RNF17: variants seen among roughly 807,000 people sequenced by gnomAD.
RNF17 encodes the protein ring finger protein 17.
In RNF17, 31 loss-of-function variants were observed where a neutral mutation model predicts 200.5. That is an observed-to-expected ratio of 0.15 (90% CI 0.12 to 0.21). RNF17 has a LOEUF of 0.21. Among genes scored for constraint, RNF17 ranks in the 10% least tolerant of loss-of-function variants. RNF17 has a pLI of 1.00. For synonymous variants in RNF17, 606 were observed against 637.8 expected (o/e 0.95, Z 0.75); for missense variants, 1,628 against 1,905.1 (o/e 0.85, Z 2.71).
At chr13:24,770,444 GGAA>G (rs1842283955) in intron 2 of RNF17, among the ~76,000 whole-genome samples, 1 of 152,068 alleles carries the variant, frequency 6.6e-6, no homozygotes, top group Non-Finnish European at 1.5e-5. Context: ...TAAACTATCT[GGAA>G]GAAATGTCCT....
chr13:24,871,722 C>T (rs1295577210), intron 32 of RNF17, among the ~76,000 whole-genome samples: 2 of 148,634 alleles, frequency 1.3e-5, no homozygotes, highest in African/African-American at 5.0e-5. Context: ...AACCTCTGTC[C>T]CCTGGGTTCA....
At chr13:24,834,153 C>G (rs1476696692) in intron 18 of RNF17, among the ~76,000 whole-genome samples, 2 of 151,930 alleles carry the variant, frequency 1.3e-5, no homozygotes. Flanking sequence ...TGCCTGTAAT[C>G]CCAGTATTTT....
chr13:24,838,509 G>T lies in RNF17; in HGVS notation c.2483-3532G>T, dbSNP rs950064261. On this transcript the variant is annotated intron_variant, in intron 18 of 35. Transcript: ENST00000255324. ...ATCAAGTGAGTTTCATACCAGGGAT[G>T]CAGGGATGGATGTAATATATGCAAG... Among the ~76,000 whole-genome samples the T allele has an allele frequency of 1.3e-4, 20 of 152,196 alleles. 1 individual carries two copies. The highest frequency in any genetic ancestry group is 4.8e-4 in the African/African-American group (20 of 41,450).
chr13:24,812,801 C>G (rs1593318012), intron 15 of RNF17, among the ~76,000 whole-genome samples: 1 of 151,942 alleles, frequency 6.6e-6, no homozygotes, highest in East Asian at 2.0e-4. Context: ...CATGCCTCAG[C>G]CTCCCAAGTA....
upstream of RNF17, chr13:24,764,149 C>T (rs1052595443): frequency 2.5e-5 from 38 of 1,515,038 alleles, no homozygotes; most frequent in Non-Finnish European, 3.1e-5. Context: ...TGGTCGCTGC[C>T]GCGAGGGCCG....
At chr13:24,820,096 C>A (rs1427427615) in intron 15 of RNF17, among the ~76,000 whole-genome samples, 1 of 148,232 alleles carries the variant, frequency 6.7e-6, no homozygotes, top group Non-Finnish European at 1.5e-5. Flanking sequence ...TCCAAAATTT[C>A]TTTCTTGTCT....
At chr13:24,841,397 G>C (rs1890627511) in intron 18 of RNF17, among the ~76,000 whole-genome samples, 1 of 152,238 alleles carries the variant, frequency 6.6e-6, no homozygotes, top group South Asian at 2.1e-4. Context: ...CTGGAACTTG[G>C]TTGAGTTCCA....
upstream of RNF17, among the ~76,000 whole-genome samples, chr13:24,762,455 TACTC>T (rs1395713467): frequency 6.7e-6 from 1 of 148,346 alleles, no homozygotes; most frequent in Non-Finnish European, 1.5e-5. Flanking sequence ...TAGGGAATAA[TACTC>T]ACAAAACTGT....
intron 15 of RNF17, among the ~76,000 whole-genome samples, chr13:24,821,684 C>G (rs1468580119): frequency 1.3e-5 from 2 of 152,030 alleles, no homozygotes; most frequent in Non-Finnish European, 2.9e-5. Context: ...CCAGAATTTC[C>G]TTTTTATAAT....
intron 25 of RNF17, among the ~76,000 whole-genome samples, chr13:24,856,351 C>T (rs1425896077): frequency 6.9e-6 from 1 of 144,198 alleles, no homozygotes; most frequent in Non-Finnish European, 1.5e-5. Context: ...ACCTGGGAGG[C>T]AGAGGTTGCC....
chr13:24,850,465 G>A, intron 23 of RNF17, 22 bp downstream of exon 23: 1 of 1,387,900 alleles, frequency 7.2e-7, no homozygotes, highest in Non-Finnish European at 1.0e-6. Flanking sequence ...CAAGAGATAT[G>A]TGCTGATGAT....
the RNF17 span, among the ~76,000 whole-genome samples, chr13:24,888,266 AAC>A: frequency 2.6e-5 from 4 of 152,182 alleles, no homozygotes; most frequent in African/African-American, 9.7e-5. Flanking sequence ...CATTAAAAAA[AAC>A]ACAAACTGAA....
Position 24,853,982 on chromosome 13 carries a change from A to G in RNF17, c.3448A>G (p.Ile1150Val), listed in dbSNP as rs1013687498. The part of the protein sequence containing the change: ...NFDPDKKTAD[I>V]ISEQKVSEFQ... ...TGACCCTGACAAGAAAACTGCTGAC[A>G]TAATCAGTGAACAGAAAGTGTCTGA... Residue 1150 changes from isoleucine (I) to valine (V), a missense_variant, in exon 25 of 36, where the codon ATA (isoleucine) becomes GTA (valine). By Grantham distance (29) the Ile-to-Val change is conservative. Coordinates refer to ENST00000255324, the MANE Select transcript of RNF17 (RefSeq NM_031277.3). The G allele has an allele frequency of 8.7e-6, 14 of 1,614,206 alleles. No individual in the cohort carries two copies. Among genetic ancestry groups the G allele is most frequent in the Non-Finnish European group, 1.2e-5 (14 of 1,180,020 alleles).
chr13:24,798,569 T>TA (rs1884877474), intron 11 of RNF17, among the ~76,000 whole-genome samples: 1 of 152,228 alleles, frequency 6.6e-6, no homozygotes, highest in South Asian at 2.1e-4. Context: ...AAATGGGCTC[T>TA]AAGACTACCT....
In RNF17 at chr13:24,864,937, C is replaced by T. The variant is rs1893464866; in HGVS notation, c.4040C>T (p.Ser1347Phe). 1 of 1,570,174 alleles carries T rather than the reference C, an allele frequency of 6.4e-7. No individual in the cohort carries two copies. ...CTCTATTTTGATGGAATGTCACTTT[C>T]TTATTTTATGGCATACTATAAATAC... is the stretch of plus-strand genomic sequence containing the variant. ...IHLYFDGMSL[S>F]YFMAYYKYCT... Residue 1347 changes from serine to phenylalanine, a missense_variant, in exon 29 of 36, where the codon TCT becomes TTT. Ser to Phe is a radical substitution (Grantham distance 155). This residue lies in a region of RNF17 where 609 missense variants were observed against 681.9 expected (regional missense o/e 0.89). Coordinates refer to ENST00000255324, the MANE Select transcript of RNF17 (RefSeq NM_031277.3).
chr13:24,820,252 G>T (rs892583283), intron 15 of RNF17, among the ~76,000 whole-genome samples: 68 of 151,410 alleles, frequency 4.5e-4, no homozygotes, highest in African/African-American at 1.6e-3. Context: ...CTCCCTAGTA[G>T]CTGGGATTTC....
At chr13:24,843,712 A>G (rs765463512) in intron 19 of RNF17, 32 bp from the exon 20 acceptor site, 4 of 1,279,126 alleles carry the variant, frequency 3.1e-6, no homozygotes, top group Non-Finnish European at 4.5e-6. Context: ...TTTTGCATAC[A>G]GTTCTTTTCA....
At chr13:24,771,160 C>A (rs1050234184) in intron 2 of RNF17, among the ~76,000 whole-genome samples, 3 of 151,648 alleles carry the variant, frequency 2.0e-5, no homozygotes, top group African/African-American at 7.3e-5. Flanking sequence ...TTGTTGTTTG[C>A]TTTTTCTGGA....
chr13:24,786,591 G>T (rs1312142167), intron 6 of RNF17, among the ~76,000 whole-genome samples: 1 of 152,100 alleles, frequency 6.6e-6, no homozygotes, highest in Admixed American at 6.6e-5. Flanking sequence ...AAGTCTACTG[G>T]TAATGAACTC....
Sources: allele counts gnomAD v4.1 joint callset (sites outside exome capture counted in the v4.1 genomes callset), GRCh38; gene constraint gnomAD v4.1.1; regional missense constraint gnomAD v4.1.1; transcripts MANE v1.5; gene names NCBI Gene and HGNC (gene_info 2026-07-23, HGNC 2026-07-21).